The following MECOM variants were observed in gnomAD, a reference collection of about 807,000 sequenced individuals.
The protein encoded by MECOM is histone-lysine N-methyltransferase MECOM.
A neutral mutation model predicts 116.3 loss-of-function variants in MECOM; 13 were observed. The observed-to-expected ratio is 0.11, with a 90% confidence interval of 0.07 to 0.18. MECOM has a LOEUF of 0.18. MECOM is among the 10% of genes least tolerant of loss of function. The pLI is 1.00. For synonymous variants in MECOM, 528 were observed against 535.2 expected, an observed-to-expected ratio of 0.99 and a Z score of 0.19; for missense variants, 1,299 against 1,509.0, an observed-to-expected ratio of 0.86 and a Z score of 2.31.
chr3:169,249,228 A>C (rs1389257706), intron 2 of MECOM, among the ~76,000 whole-genome samples: 1 of 152,212 alleles, frequency 6.6e-6, no homozygotes, highest in East Asian at 1.9e-4. Context: ...ATGGCTACCA[A>C]GTCAAATGAA....
intron 5 of MECOM, among the ~76,000 whole-genome samples, chr3:169,126,028 G>A (rs996659618): frequency 7.9e-5 from 12 of 152,072 alleles, no homozygotes; most frequent in African/African-American, 2.7e-4. Context: ...ATACCAGTTG[G>A]AGGATTAGCA....
At chr3:169,585,821 G>T (rs1316766159) in intron 1 of MECOM, among the ~76,000 whole-genome samples, 1 of 152,184 alleles carries the variant, frequency 6.6e-6, no homozygotes, top group Non-Finnish European at 1.5e-5. Context: ...ATAAATGAAT[G>T]ATTGCCATTC....
rs555751245 is a variant in MECOM, at chr3:169,556,543, C to A, written c.37+106793G>T. ...CTTAAGATAGCACCAGTGATCCCCA[C>A]CTCCTGGTTGTCCCACCCCTGCGTC... On this transcript the variant is annotated intron_variant, in intron 1 of 16. Coordinates refer to ENST00000651503, the MANE Select transcript of MECOM (RefSeq NM_004991.4). Among the ~76,000 whole-genome samples the A allele has an allele frequency of 6.6e-5, 10 of 152,318 alleles. No individual in the cohort carries two copies. The South Asian group carries it at 1.9e-3, about 28-fold the overall frequency.
At chr3:169,149,316 A>G (rs1185833062) in intron 2 of MECOM, among the ~76,000 whole-genome samples, 1 of 152,134 alleles carries the variant, frequency 6.6e-6, no homozygotes, top group African/African-American at 2.4e-5. Flanking sequence ...TTTCAAAACG[A>G]GGAAACGTCG....
At chr3:169,458,897 C>T (rs377367443) in intron 1 of MECOM, among the ~76,000 whole-genome samples, 14 of 152,254 alleles carry the variant, frequency 9.2e-5, no homozygotes, top group African/African-American at 3.1e-4. Context: ...AATGTTTCTA[C>T]CAAATGAAGT....
At chr3:169,330,436 C>T (rs1402497750) in intron 2 of MECOM, among the ~76,000 whole-genome samples, 1 of 152,086 alleles carries the variant, frequency 6.6e-6, no homozygotes, top group Non-Finnish European at 1.5e-5. Flanking sequence ...TATTTGAAAA[C>T]ATAATGACAT....
chr3:169,293,039 C>A (rs778401611), intron 2 of MECOM, among the ~76,000 whole-genome samples: 7 of 152,230 alleles, frequency 4.6e-5, no homozygotes, highest in South Asian at 2.1e-4. Context: ...TCCAGGCCAT[C>A]TTATAACTAA....
intron 1 of MECOM, among the ~76,000 whole-genome samples, chr3:169,476,550 G>C (rs545077703): frequency 3.3e-5 from 5 of 152,294 alleles, no homozygotes; most frequent in South Asian, 2.1e-4. Flanking sequence ...GAAATTTACT[G>C]TGTGAAATTG....
At chr3:169,248,894 A>G (rs1025559895) in intron 2 of MECOM, among the ~76,000 whole-genome samples, 3 of 152,104 alleles carry the variant, frequency 2.0e-5, no homozygotes, top group African/African-American at 7.2e-5. Flanking sequence ...GGGCCCCGGA[A>G]TTGTAAGGAA....
chr3:169,172,294 T>A (rs889926546), intron 2 of MECOM, among the ~76,000 whole-genome samples: 4 of 152,176 alleles, frequency 2.6e-5, no homozygotes, highest in Non-Finnish European at 2.9e-5. Flanking sequence ...ATTTATTTTA[T>A]TCAGGATATT....
At chr3:169,295,048 ATGTTACGTAAAATATGTG>A (rs1413382265) in intron 2 of MECOM, among the ~76,000 whole-genome samples, 1 of 152,026 alleles carries the variant, frequency 6.6e-6, no homozygotes, top group East Asian at 1.9e-4. Context: ...TTCTATCTTA[ATGTTACGTAAAATATGTG>A]CATTATAATT....
intron 2 of MECOM, among the ~76,000 whole-genome samples, chr3:169,336,391 GA>G (rs919843184): frequency 1.7e-4 from 25 of 150,038 alleles, no homozygotes; most frequent in African/African-American, 2.9e-4. Context: ...TGGCCTACAG[GA>G]AAAAAAATTT....
rs1213788723 is a variant in MECOM at position 169,419,414 on chromosome 3, C to G, written c.38-37890G>C. On this transcript the variant is annotated intron_variant, in intron 1 of 16. Transcript: ENST00000651503. ...AACTACTTCAAATTTCACATGTAAC[C>G]AAATAAGAGCCCATATAGCCAAGAC... Among the ~76,000 whole-genome samples the G allele has an allele frequency of 2.2e-4, 33 of 152,074 alleles. 1 individual carries two copies. Among genetic ancestry groups the G allele is most frequent in the Admixed American group, 2.2e-3 (33 of 15,260 alleles).
chr3:169,157,889 T>G (rs1285739123), intron 2 of MECOM, among the ~76,000 whole-genome samples: 15 of 152,154 alleles, frequency 9.9e-5, no homozygotes, highest in African/African-American at 3.6e-4. Flanking sequence ...ACATAATTTC[T>G]CTCCACATAT....
intron 1 of MECOM, among the ~76,000 whole-genome samples, chr3:169,592,390 A>G (rs941971936): frequency 1.3e-5 from 2 of 151,808 alleles, no homozygotes; most frequent in Non-Finnish European, 2.9e-5. Context: ...GGCCAACATT[A>G]TTTTCCTCAC....
chr3:169,452,067 A>C (rs111920494), intron 1 of MECOM, among the ~76,000 whole-genome samples: 1 of 151,936 alleles, frequency 6.6e-6, no homozygotes, highest in African/African-American at 2.4e-5. Flanking sequence ...GTCCTTCCCA[A>C]ATAATAGCCA....
chr3:169,366,307 A>G (rs941131702), intron 2 of MECOM, among the ~76,000 whole-genome samples: 22 of 151,874 alleles, frequency 1.4e-4, no homozygotes, highest in Admixed American at 1.1e-3. Flanking sequence ...TATGTCAACA[A>G]CAGCACTCTA....
At chr3:169,647,883 T>C (rs1774377471) in intron 1 of MECOM, among the ~76,000 whole-genome samples, 1 of 152,040 alleles carries the variant, frequency 6.6e-6, no homozygotes, top group South Asian at 2.1e-4. Flanking sequence ...TACTGATGAG[T>C]AGCAAACTTG....
At chr3:169,477,046 G>A (rs1052765704) in intron 1 of MECOM, 4 of 142,962 alleles carry the variant, frequency 2.8e-5, no homozygotes, top group Admixed American at 7.0e-5. Context: ...TCCTACATGC[G>A]ACATAATATG....
Sources: allele counts gnomAD v4.1 joint callset (sites outside exome capture counted in the v4.1 genomes callset), GRCh38; gene constraint gnomAD v4.1.1; transcripts MANE v1.5; gene names NCBI Gene and HGNC (gene_info 2026-07-23, HGNC 2026-07-21).